NALCN: variants seen among roughly 807,000 people sequenced by gnomAD.
NALCN encodes sodium leak channel NALCN.
Under a neutral mutation model 225.3 loss-of-function variants are expected in NALCN, and 111 were observed. The ratio of observed to expected loss-of-function variants is 0.49; its 90% CI spans 0.42 to 0.58. The LOEUF is 0.58. NALCN is among the 20% of genes least tolerant of loss of function. The pLI, the probability that NALCN is intolerant of heterozygous loss-of-function variation, is 0.00. For synonymous variants in NALCN, 764 were observed against 769.0 expected, an observed-to-expected ratio of 0.99 and a Z score of 0.11; for missense variants, 1,378 against 2,202.4, an observed-to-expected ratio of 0.63 and a Z score of 7.49.
rs760331955 is a variant in NALCN at position 101,111,128 on chromosome 13, C to T, written c.2291G>A (p.Arg764His). The part of the protein sequence containing the change: ...LSVQHHIRQE[R>H]RSLRHGSNSQ... The stretch of plus-strand genomic sequence containing the variant: ...CCCTGTCTTCCCAAGTATTTACCTG[C>T]GCTCTTGGCGGATATGATGCTGCAC... Residue 764 changes from arginine (R) to histidine (H), a missense_variant, in exon 19 of 44, where the codon CGC becomes CAC. This residue lies in a region of NALCN where 66 missense variants were observed against 85.7 expected (regional missense o/e 0.77). Transcript: ENST00000251127. The T allele has an allele frequency of 4.4e-6, 7 of 1,604,276 alleles. No individual in the cohort carries two copies. The highest frequency in any genetic ancestry group is 1.7e-4 in the Middle Eastern group (1 of 6,024).
chr13:101,257,315 G>A (rs1004784217), intron 11 of NALCN, among the ~76,000 whole-genome samples: 3 of 149,238 alleles, frequency 2.0e-5, no homozygotes, highest in African/African-American at 7.4e-5. Context: ...TTGTATTAAC[G>A]GTATTTTGTT....
intron 33 of NALCN, 143 bp from the exon 34 acceptor site, chr13:101,081,789 C>T: frequency 8.9e-7 from 1 of 1,128,350 alleles, no homozygotes; most frequent in African/African-American, 1.6e-5. Context: ...AGTATCTTTT[C>T]CATTGAAAAT....
chr13:101,056,049 T>C (rs2031201736), intron 43 of NALCN, among the ~76,000 whole-genome samples: 1 of 152,120 alleles, frequency 6.6e-6, no homozygotes, highest in South Asian at 2.1e-4. Context: ...AATTAGACTA[T>C]TGTCAGGATT....
At chr13:101,390,560 G>GT (rs1401326658) in intron 3 of NALCN, among the ~76,000 whole-genome samples, 1 of 151,834 alleles carries the variant, frequency 6.6e-6, no homozygotes, top group East Asian at 1.9e-4. Context: ...AAATATATCC[G>GT]TAACTATCAA....
intron 15 of NALCN, among the ~76,000 whole-genome samples, chr13:101,151,216 G>A (rs1208470497): frequency 9.9e-5 from 15 of 152,168 alleles, no homozygotes; most frequent in African/African-American, 3.1e-4. Context: ...AAGAGACTTC[G>A]GGTGTAATTG....
At chr13:101,351,551 C>T (rs1419318242) in intron 6 of NALCN, among the ~76,000 whole-genome samples, 4 of 152,124 alleles carry the variant, frequency 2.6e-5, no homozygotes, top group Non-Finnish European at 4.4e-5. Flanking sequence ...CCACTCCTAG[C>T]GGTGCAGAGC....
intron 1 of NALCN, among the ~76,000 whole-genome samples, chr13:101,400,014 G>T (rs568890464): frequency 4.1e-4 from 63 of 152,104 alleles, no homozygotes; most frequent in Non-Finnish European, 7.8e-4. Context: ...TCCCTGAGTC[G>T]ACTGTGAGAC....
chr13:101,191,852 T>C (rs572541948), intron 14 of NALCN, 65 bp downstream of exon 14: 1 of 1,533,264 alleles, frequency 6.5e-7, no homozygotes, highest in South Asian at 1.2e-5. Flanking sequence ...ATAGGCCAAA[T>C]ATCTGTTGAT....
intron 7 of NALCN, among the ~76,000 whole-genome samples, chr13:101,329,988 G>A (rs992766299): frequency 2.6e-5 from 4 of 151,480 alleles, no homozygotes; most frequent in Non-Finnish European, 5.9e-5. Flanking sequence ...GCAGTGAGCT[G>A]AGATCATGCC....
chr13:101,217,189 CT>C (rs1479547623), intron 13 of NALCN, among the ~76,000 whole-genome samples: 1 of 152,112 alleles, frequency 6.6e-6, no homozygotes, highest in Non-Finnish European at 1.5e-5. Context: ...TGCTTATGAG[CT>C]TTTGTTAGGC....
chr13:101,412,759 T>A (rs1435780717), intron 1 of NALCN, among the ~76,000 whole-genome samples: 1 of 152,202 alleles, frequency 6.6e-6, no homozygotes, highest in Non-Finnish European at 1.5e-5. Flanking sequence ...GAAAGAAAGA[T>A]CCTCTTCTTC....
intron 30 of NALCN, among the ~76,000 whole-genome samples, chr13:101,088,458 A>G (rs1332006684): frequency 1.3e-5 from 2 of 152,066 alleles, no homozygotes; most frequent in African/African-American, 4.8e-5. Flanking sequence ...ACTTTATTCT[A>G]CTCATGCCTT....
chr13:101,203,443 C>G (rs567401751), intron 13 of NALCN, among the ~76,000 whole-genome samples: 6 of 152,300 alleles, frequency 3.9e-5, no homozygotes, highest in Admixed American at 6.5e-5. Flanking sequence ...TCTTGAACTC[C>G]TGACCTCAGG....
Position 101,242,060 on chromosome 13 carries a change from G to A in NALCN, c.1267-4138C>T, listed in dbSNP as rs147322192. 3.6e-4 allele frequency among the ~76,000 whole-genome samples: 38 copies of A among 106,262 alleles called. 13 individuals are homozygous for A. The highest frequency in any genetic ancestry group is 1.2e-3 in the African/African-American group (37 of 29,682). The allele number at this position is 106,262 out of a possible 152,430, so 69.7% of individuals were successfully genotyped here. The stretch of plus-strand genomic sequence containing the variant: ...GCACACTCTGCTGAACATTTAAAAC[G>A]TCTTAATATTTTAAGTGTTTGGTAG... On this transcript the variant is annotated intron_variant, in intron 11 of 43. Coordinates refer to ENST00000251127, the MANE Select transcript of NALCN (RefSeq NM_052867.4).
chr13:101,115,721 G>T (rs1214653715), intron 18 of NALCN, among the ~76,000 whole-genome samples: 1 of 152,130 alleles, frequency 6.6e-6, no homozygotes, highest in Non-Finnish European at 1.5e-5. Flanking sequence ...CAGAGTAAAG[G>T]CAAGGCTAAT....
At chr13:101,324,602 T>C (rs2044875112) in intron 7 of NALCN, among the ~76,000 whole-genome samples, 1 of 152,188 alleles carries the variant, frequency 6.6e-6, no homozygotes, top group Non-Finnish European at 1.5e-5. Flanking sequence ...ATAGGAATGC[T>C]TGTGATTTTT....
rs563910077 is a variant in NALCN, at chr13:101,397,165, G to GTA, written c.109-1802_109-1801dup. 3.3e-4 allele frequency among the ~76,000 whole-genome samples: 45 copies of GTA among 137,602 alleles called. No individual in the cohort carries two copies. The South Asian group carries it at 7.8e-3, about 24-fold the overall frequency. The allele number at this position is 137,602 out of a possible 152,430, so 90.3% of individuals were successfully genotyped here. On this transcript the variant is annotated intron_variant, in intron 2 of 43. Coordinates refer to ENST00000251127, the MANE Select transcript of NALCN (RefSeq NM_052867.4). The stretch of plus-strand genomic sequence containing the variant: ...TATACACATAGCATGTTATATGTAT[G>GTA]TATATATTATGTTTCATGTAAATAC...
chr13:101,158,481 C>G (rs7335725), intron 15 of NALCN, among the ~76,000 whole-genome samples: 27,705 of 152,194 alleles, frequency 0.18, 2,778 homozygotes, highest in East Asian at 0.45. Context: ...TGGGGTTCCC[C>G]CAGCCCAGCA....
At chr13:101,175,181 T>C (rs1370057042) in intron 15 of NALCN, among the ~76,000 whole-genome samples, 1 of 152,006 alleles carries the variant, frequency 6.6e-6, no homozygotes, top group African/African-American at 2.4e-5. Context: ...AGCTGTAGGA[T>C]GGTAAAGAAC....
Sources: allele counts gnomAD v4.1 joint callset (sites outside exome capture counted in the v4.1 genomes callset), GRCh38; gene constraint gnomAD v4.1.1; regional missense constraint gnomAD v4.1.1; transcripts MANE v1.5; gene names NCBI Gene and HGNC (gene_info 2026-07-23, HGNC 2026-07-21).